The following DNER variants were observed in gnomAD, a reference collection of about 807,000 sequenced individuals.
DNER encodes the protein delta and Notch-like epidermal growth factor-related receptor.
A neutral mutation model predicts 78.2 loss-of-function variants in DNER; 33 were observed. The ratio of observed to expected loss-of-function variants is 0.42; its 90% CI spans 0.32 to 0.56. The LOEUF (loss-of-function observed/expected upper bound fraction) is 0.56. DNER is among the 20% of genes least tolerant of loss of function. DNER has a pLI of 0.11. For synonymous variants in DNER, 417 were observed against 384.8 expected (o/e 1.08, Z -0.98); for missense variants, 918 against 975.3 (o/e 0.94, Z 0.78).
rs140573895 is a variant in DNER at position 229,472,697 on chromosome 2, T to C, written c.1261+4443A>G. 7.1e-4 allele frequency among the ~76,000 whole-genome samples: 108 copies of C among 152,260 alleles called. 2 individuals carry two copies. In the East Asian group the frequency reaches 0.012, roughly 17 times the overall value. On this transcript the variant is annotated intron_variant, in intron 7 of 12. Coordinates refer to ENST00000341772, the MANE Select transcript of DNER (RefSeq NM_139072.4). Reference sequence around the variant, plus strand: ...TAAATTATTAAGCAATAATGCCAGGTTCTAAGTGCTTATCTTTGTCTTTGC... The same window carrying C: ...TAAATTATTAAGCAATAATGCCAGGCTCTAAGTGCTTATCTTTGTCTTTGC...
intron 5 of DNER, among the ~76,000 whole-genome samples, chr2:229,526,298 G>A (rs1023730789): frequency 1.3e-5 from 2 of 152,172 alleles, no homozygotes; most frequent in Non-Finnish European, 2.9e-5. Context: ...AACACTGCTC[G>A]CGTGTTCCTC....
At chr2:229,564,727 C>CCAT (rs548099884) in intron 4 of DNER, among the ~76,000 whole-genome samples, 310 of 152,012 alleles carry the variant, frequency 2.0e-3, no homozygotes, top group African/African-American at 7.2e-3. Context: ...CACCCCATCA[C>CCAT]CATCATCATC....
chr2:229,500,215 G>A (rs1351639915), intron 6 of DNER, among the ~76,000 whole-genome samples: 1 of 152,162 alleles, frequency 6.6e-6, no homozygotes, highest in African/African-American at 2.4e-5. Flanking sequence ...TTACAGGCGT[G>A]AGCCACCGTG....
chr2:229,379,085 G>A (rs56978533), intron 11 of DNER, among the ~76,000 whole-genome samples: 4,480 of 152,208 alleles, frequency 0.029, 98 homozygotes, highest in African/African-American at 0.06. Context: ...GAGTGAACAC[G>A]GCGTCCAGGT....
At chr2:229,502,656 G>A (rs193190481) in intron 6 of DNER, among the ~76,000 whole-genome samples, 6 of 152,212 alleles carry the variant, frequency 3.9e-5, no homozygotes, top group Non-Finnish European at 5.9e-5. Context: ...AGAAACAGAA[G>A]ATATTACATG....
intron 2 of DNER, among the ~76,000 whole-genome samples, chr2:229,590,508 C>T (rs973734168): frequency 6.6e-6 from 1 of 152,086 alleles, no homozygotes; most frequent in Non-Finnish European, 1.5e-5. Context: ...TGAATGTCTG[C>T]GCCCCTCTAA....
At chr2:229,453,908 A>G (rs1393771827) in intron 7 of DNER, among the ~76,000 whole-genome samples, 2 of 139,148 alleles carry the variant, frequency 1.4e-5, no homozygotes, top group Non-Finnish European at 3.0e-5. Context: ...TTTGGTCAGG[A>G]ATAAAATATA....
chr2:229,682,977 C>T (rs981497898), intron 1 of DNER, among the ~76,000 whole-genome samples: 4 of 152,030 alleles, frequency 2.6e-5, no homozygotes, highest in Admixed American at 1.3e-4. Flanking sequence ...TAAAGATGGA[C>T]AAAAATTTCC....
intron 1 of DNER, among the ~76,000 whole-genome samples, chr2:229,607,275 T>C (rs1457296556): frequency 3.3e-5 from 5 of 152,206 alleles, no homozygotes; most frequent in Non-Finnish European, 1.5e-5. Context: ...ACTAAAGATA[T>C]TAATAGCTAA....
intron 1 of DNER, among the ~76,000 whole-genome samples, chr2:229,612,300 G>C (rs992797991): frequency 2.0e-5 from 3 of 152,160 alleles, no homozygotes; most frequent in African/African-American, 7.2e-5. Flanking sequence ...GGCCAGAAAG[G>C]CTTCAACTGA....
At chr2:229,410,844 C>G (rs1297234023) in intron 9 of DNER, among the ~76,000 whole-genome samples, 1 of 152,190 alleles carries the variant, frequency 6.6e-6, no homozygotes, top group African/African-American at 2.4e-5. Context: ...AATATTTTAT[C>G]TCCAAGAAAC....
chr2:229,562,869 C>T (rs894084316), intron 4 of DNER, among the ~76,000 whole-genome samples: 1 of 151,746 alleles, frequency 6.6e-6, no homozygotes, highest in African/African-American at 2.4e-5. Flanking sequence ...TCATCAACTT[C>T]ATCATCATCC....
At chr2:229,618,907 G>A (rs1241983113) in intron 1 of DNER, among the ~76,000 whole-genome samples, 1 of 152,076 alleles carries the variant, frequency 6.6e-6, no homozygotes, top group Non-Finnish European at 1.5e-5. Flanking sequence ...GCTAAGGGAG[G>A]AGAATCACTA....
At chr2:229,523,612 C>T (rs550683881) in intron 5 of DNER, among the ~76,000 whole-genome samples, 25 of 152,318 alleles carry the variant, frequency 1.6e-4, no homozygotes, top group Admixed American at 1.5e-3. Context: ...CTCTTAGTAC[C>T]GCAGGTTATG....
At chr2:229,437,818 AAAC>A (rs1694155767) in intron 8 of DNER, among the ~76,000 whole-genome samples, 1 of 152,226 alleles carries the variant, frequency 6.6e-6, no homozygotes, top group Admixed American at 6.5e-5. Flanking sequence ...AGGTGAAAAG[AAAC>A]AACATCAAAG....
chr2:229,403,095 T>A lies in DNER; in HGVS notation c.1723+4137A>T, dbSNP rs537226130. ...GGTAAATATGACATTGGATTGAGTA[T>A]CTAATTATATAGCAATGATTTGCCC... On this transcript the variant is annotated intron_variant, in intron 10 of 12. Transcript: ENST00000341772. Among the ~76,000 whole-genome samples, 5 of 152,282 alleles carry A rather than the reference T, an allele frequency of 3.3e-5. No homozygotes were observed. The South Asian group carries it at 1.0e-3, about 32-fold the overall frequency.
rs187230063 is a variant in DNER at position 229,707,997 on chromosome 2, G to T, written c.276+6151C>A. 5.9e-5 allele frequency among the ~76,000 whole-genome samples: 9 copies of T among 152,312 alleles called. No homozygotes were observed. The East Asian group carries it at 1.7e-3, about 29-fold the overall frequency. Reference sequence around the variant, plus strand: ...ATGATAAAACCAAGCCTCAGAGAAAGGAGTCACTTACCCAAGGACACCCAG... The same window carrying T: ...ATGATAAAACCAAGCCTCAGAGAAATGAGTCACTTACCCAAGGACACCCAG... On this transcript the variant is annotated intron_variant, in intron 1 of 12. Coordinates refer to ENST00000341772, the MANE Select transcript of DNER (RefSeq NM_139072.4).
chr2:229,401,583 T>A (rs1693268367), intron 10 of DNER, among the ~76,000 whole-genome samples: 12 of 152,084 alleles, frequency 7.9e-5, no homozygotes, highest in Admixed American at 7.9e-4. Flanking sequence ...CTCAAAAGGC[T>A]ACACACTATA....
At chr2:229,540,035 A>T (rs1284502580) in intron 5 of DNER, among the ~76,000 whole-genome samples, 4 of 152,248 alleles carry the variant, frequency 2.6e-5, no homozygotes, top group African/African-American at 9.6e-5. Context: ...GAATGCAAAA[A>T]ATAATGAATA....
Sources: allele counts gnomAD v4.1 joint callset (sites outside exome capture counted in the v4.1 genomes callset), GRCh38; gene constraint gnomAD v4.1.1; transcripts MANE v1.5; gene names NCBI Gene and HGNC (gene_info 2026-07-23, HGNC 2026-07-21).